MTNR1B: variants seen among roughly 807,000 people sequenced by gnomAD.
The protein encoded by MTNR1B is melatonin receptor 1B.
A neutral mutation model predicts 7.0 loss-of-function variants in MTNR1B; 7 were observed. The observed-to-expected ratio is 1.00, with a 90% CI of 0.57 to 1.88. The LOEUF (loss-of-function observed/expected upper bound fraction) is 1.88, where lower values mean the gene tolerates loss of function less well. MTNR1B is among the 40% of genes most tolerant of loss of function. The pLI, the probability that MTNR1B is intolerant of heterozygous loss-of-function variation, is 0.00. For synonymous variants in MTNR1B, 226 were observed against 208.2 expected, an observed-to-expected ratio of 1.09 and a Z score of -0.74; for missense variants, 478 against 486.5, an observed-to-expected ratio of 0.98 and a Z score of 0.16.
intron 1 of MTNR1B, among the ~76,000 whole-genome samples, chr11:92,973,260 C>T (rs1857961792): frequency 6.6e-6 from 1 of 152,094 alleles, no homozygotes; most frequent in Admixed American, 6.5e-5. Context: ...CCTTTCCTGC[C>T]TCCTTATTCT....
intron 1 of MTNR1B, among the ~76,000 whole-genome samples, chr11:92,971,405 T>A (rs1049950480): frequency 6.6e-6 from 1 of 152,212 alleles, no homozygotes; most frequent in Non-Finnish European, 1.5e-5. Flanking sequence ...CTGGAATACA[T>A]TGTTCAAAAT....
rs556949375 is a variant in MTNR1B at position 92,976,000 on chromosome 11, T to G, written c.224-5447T>G. On this transcript the variant is annotated intron_variant, in intron 1 of 1. Coordinates refer to ENST00000257068, the MANE Select transcript of MTNR1B (RefSeq NM_005959.5). ...TTGCATTTCAGCTGTGAATACCTTATTGCCTCTTCACTGAGCAAAAATGAA... is the reference window on the plus strand; with the variant it reads ...TTGCATTTCAGCTGTGAATACCTTAGTGCCTCTTCACTGAGCAAAAATGAA... Among the ~76,000 whole-genome samples the G allele has an allele frequency of 5.9e-5, 9 of 152,334 alleles. No individual in the cohort carries two copies. In the South Asian group the frequency reaches 1.9e-3, roughly 32 times the overall value.
At chr11:92,979,430 C>A (rs1267041721) in intron 1 of MTNR1B, among the ~76,000 whole-genome samples, 3 of 152,150 alleles carry the variant, frequency 2.0e-5, no homozygotes, top group Non-Finnish European at 4.4e-5. Flanking sequence ...CCTTGTTGCA[C>A]ATTTTTTGCC....
In MTNR1B at chr11:92,982,017, C is replaced by G; in HGVS notation, c.794C>G (p.Ala265Gly). The change falls in exon 2 of 2, where the codon GCT becomes GGT. Residue 265 changes from alanine (A) to glycine (G), a missense_variant. Coordinates refer to ENST00000257068, the MANE Select transcript of MTNR1B (RefSeq NM_005959.5). ...TTTGTGATCTTTGCCATCTGCTGGG[C>G]TCCACTTAACTGCATCGGCCTCGCT... is the stretch of plus-strand genomic sequence containing the variant. ...VVFVIFAICW[A>G]PLNCIGLAVA... 1 of 1,614,238 alleles carries G rather than the reference C, an allele frequency of 6.2e-7. No individual in the cohort carries two copies. The highest frequency in any genetic ancestry group is 1.3e-5 in the African/African-American group (1 of 75,076).
intron 1 of MTNR1B, among the ~76,000 whole-genome samples, chr11:92,972,218 G>A (rs112604267): frequency 4.6e-5 from 7 of 152,308 alleles, no homozygotes; most frequent in African/African-American, 1.7e-4. Context: ...CTGTACTTAA[G>A]TCTGGCTCCT....
intron 1 of MTNR1B, among the ~76,000 whole-genome samples, chr11:92,978,628 C>A (rs1038175932): frequency 6.6e-5 from 10 of 152,162 alleles, no homozygotes; most frequent in African/African-American, 2.4e-4. Flanking sequence ...AAATTTTATT[C>A]ATCTAATTTG....
rs1858130328 is a variant in MTNR1B, at chr11:92,982,593, G to T, written c.*281G>T. ...CAAGGAAAGGACAGAATGAGGAAAG[G>T]CCTGGGGCAGAAGAGCCCAACTCCT... On this transcript the variant is annotated 3_prime_UTR_variant, in exon 2 of 2. Coordinates refer to ENST00000257068, the MANE Select transcript of MTNR1B (RefSeq NM_005959.5). The T allele has an allele frequency of 2.3e-6, 1 of 442,018 alleles. No individual in the cohort carries two copies. Among genetic ancestry groups the T allele is most frequent in the African/African-American group, 2.0e-5 (1 of 50,502 alleles). 27.4% of individuals were successfully genotyped at this position (442,018 alleles called of 1,614,324 possible). A position where few individuals can be genotyped will look rare whatever the true frequency, so the allele number is the denominator to read the frequency against.
chr11:92,974,848 C>T (rs957573101), intron 1 of MTNR1B, among the ~76,000 whole-genome samples: 5 of 152,092 alleles, frequency 3.3e-5, no homozygotes, highest in Non-Finnish European at 7.4e-5. Flanking sequence ...GTGATCCGCC[C>T]GCCTTGGCCT....
intron 1 of MTNR1B, among the ~76,000 whole-genome samples, chr11:92,980,364 G>GTGAA (rs35688766): frequency 1.6e-3 from 246 of 152,336 alleles, no homozygotes; most frequent in Middle Eastern, 3.4e-3. Context: ...ACAACACTTG[G>GTGAA]TGAATGAGAA....
intron 1 of MTNR1B, among the ~76,000 whole-genome samples, chr11:92,979,275 A>G (rs1858059588): frequency 6.6e-6 from 1 of 152,204 alleles, no homozygotes; most frequent in Admixed American, 6.5e-5. Flanking sequence ...GAAGACAAGC[A>G]ATGTGAGAGA....
chr11:92,970,880 A>G (rs1857912077), intron 1 of MTNR1B, among the ~76,000 whole-genome samples: 1 of 152,246 alleles, frequency 6.6e-6, no homozygotes, highest in South Asian at 2.1e-4. Context: ...AAACAACCAT[A>G]TAGCTTAAAA....
At chr11:92,979,628 A>G (rs1858065745) in intron 1 of MTNR1B, among the ~76,000 whole-genome samples, 1 of 152,034 alleles carries the variant, frequency 6.6e-6, no homozygotes, top group Non-Finnish European at 1.5e-5. Context: ...TGTCCAGACA[A>G]TCTCCTTTCT....
intron 1 of MTNR1B, among the ~76,000 whole-genome samples, chr11:92,970,252 C>T (rs1027079221): frequency 6.6e-6 from 1 of 152,196 alleles, no homozygotes; most frequent in African/African-American, 2.4e-5. Context: ...ATCGCTACCC[C>T]GTCGCGCTCC....
At chr11:92,977,427 A>C (rs1381979189) in intron 1 of MTNR1B, among the ~76,000 whole-genome samples, 1 of 152,274 alleles carries the variant, frequency 6.6e-6, no homozygotes, top group Non-Finnish European at 1.5e-5. Context: ...CCAGAACATA[A>C]TAAGAATATC....
chr11:92,970,113 G>A (rs557168283), intron 1 of MTNR1B, among the ~76,000 whole-genome samples, 165 bp downstream of exon 1: 2 of 152,310 alleles, frequency 1.3e-5, no homozygotes, highest in Non-Finnish European at 2.9e-5. Flanking sequence ...TCAAAAGTTA[G>A]GGTGAGTTTT....
intron 1 of MTNR1B, among the ~76,000 whole-genome samples, chr11:92,973,255 C>T (rs1196177470): frequency 2.0e-5 from 3 of 152,164 alleles, no homozygotes; most frequent in Admixed American, 6.5e-5. Flanking sequence ...TTCTCCCTTT[C>T]CTGCCTCCTT....
At chr11:92,975,148 A>G (rs1352567005) in intron 1 of MTNR1B, among the ~76,000 whole-genome samples, 1 of 152,190 alleles carries the variant, frequency 6.6e-6, no homozygotes, top group Non-Finnish European at 1.5e-5. Context: ...CATATAAGAG[A>G]GCTGAGAGAA....
chr11:92,983,561 G>A (rs1343224151), downstream of MTNR1B, among the ~76,000 whole-genome samples: 1 of 152,088 alleles, frequency 6.6e-6, no homozygotes, highest in East Asian at 1.9e-4. Context: ...GGACAGGAAG[G>A]GAAGGGGAGA....
intron 1 of MTNR1B, among the ~76,000 whole-genome samples, chr11:92,974,426 T>C (rs955610116): frequency 6.6e-6 from 1 of 152,190 alleles, no homozygotes; most frequent in African/African-American, 2.4e-5. Context: ...AATGAAACCT[T>C]TCTTTTGTAA....
Sources: gnomAD v4.1 joint callset for allele counts (sites outside exome capture counted in the v4.1 genomes callset) on GRCh38, gnomAD v4.1.1 for gene constraint, MANE v1.5 for transcripts, NCBI Gene and HGNC (gene_info 2026-07-23, HGNC 2026-07-21) for gene names.